CORO7: variants seen among roughly 807,000 people sequenced by gnomAD.
CORO7 encodes coronin-7.
Under a neutral mutation model 126.6 loss-of-function variants are expected in CORO7, and 107 were observed. The observed-to-expected ratio is 0.85, with a 90% CI of 0.72 to 0.99. CORO7 has a LOEUF of 0.99. CORO7 is among the 50% of genes least tolerant of loss of function. The probability of loss-of-function intolerance (pLI) is 0.00; values close to 1 mark genes in which losing one functional copy is unlikely to be tolerated. For synonymous variants in CORO7, 603 were observed against 536.8 expected (o/e 1.12, Z -1.70); for missense variants, 1,314 against 1,255.8 (o/e 1.05, Z -0.70).
At chr16:4,371,865 C>T (rs902314536) in intron 9 of CORO7, 2 of 152,174 alleles carry the variant, frequency 1.3e-5, no homozygotes, top group Non-Finnish European at 2.9e-5. Flanking sequence ...GAGCCCGAGC[C>T]CGGGGCGGGT....
At chr16:4,359,951 ATCCC>A (rs1453747792) in intron 21 of CORO7, among the ~76,000 whole-genome samples, 2 of 87,186 alleles carry the variant, frequency 2.3e-5, no homozygotes, top group Admixed American at 2.6e-4. Flanking sequence ...CCCCCAAAAC[ATCCC>A]TCCATCTCCC....
rs777329152 is a variant in CORO7 at position 4,360,938 on chromosome 16, C to T, written c.1917+5G>A. 1.9e-6 allele frequency: 3 copies of T among 1,610,218 alleles called. No homozygotes were observed. The Admixed American group carries it at 5.0e-5, about 27-fold the overall frequency. On this transcript the variant is annotated splice_donor_5th_base_variant and intron_variant, in intron 19 of 27. Coordinates refer to ENST00000251166, the MANE Select transcript of CORO7 (RefSeq NM_024535.5). Reference sequence around the variant, plus strand: ...CTGCTGGCCCCACCTCTGCAGCCGTCCTACCTGGTCTTGGTGGCCCTGCAG... The same window carrying T: ...CTGCTGGCCCCACCTCTGCAGCCGTTCTACCTGGTCTTGGTGGCCCTGCAG...
chr16:4,356,577 C>T (rs2053983277), intron 26 of CORO7: 2 of 153,462 alleles, frequency 1.3e-5, no homozygotes, highest in South Asian at 4.0e-4. Flanking sequence ...GGATCACAGG[C>T]GCCCGCCACC....
chr16:4,361,846 C>G (rs1366288436), intron 16 of CORO7, 139 bp downstream of exon 16: 2 of 1,363,904 alleles, frequency 1.5e-6, no homozygotes, highest in Non-Finnish European at 2.0e-6. Flanking sequence ...TGGCAGGTGG[C>G]TGGGAGGATC....
In CORO7 at chr16:4,355,042, A is replaced by G; in HGVS notation, c.*116T>C. On this transcript the variant is annotated 3_prime_UTR_variant, in exon 28 of 28. Transcript: ENST00000251166. Reference sequence around the variant, plus strand: ...GTGGAAGTGCCCACGGGAAGGCAGGAGTGCAGGGGTGACATGTGCCGGGGC... The same window carrying G: ...GTGGAAGTGCCCACGGGAAGGCAGGGGTGCAGGGGTGACATGTGCCGGGGC... 8.6e-7 allele frequency: 1 copy of G among 1,166,344 alleles called. No homozygotes were observed. The highest frequency in any genetic ancestry group is 1.2e-6 in the Non-Finnish European group (1 of 865,248). The allele number at this position is 1,166,344 out of a possible 1,614,324, so 72.2% of individuals were successfully genotyped here. A position where few individuals can be genotyped will look rare whatever the true frequency, so the allele number is the denominator to read the frequency against.
intron 3 of CORO7, among the ~76,000 whole-genome samples, chr16:4,410,041 C>T (rs1459285246): frequency 6.6e-6 from 1 of 152,206 alleles, no homozygotes; most frequent in Admixed American, 6.5e-5. Context: ...GGTCCAGCTT[C>T]TACTTGAAGA....
chr16:4,386,486 T>C (rs2055197909), intron 9 of CORO7, among the ~76,000 whole-genome samples: 1 of 151,970 alleles, frequency 6.6e-6, no homozygotes. Context: ...CCTAGAAAGG[T>C]CTAGAAGACA....
chr16:4,376,173 C>T (rs1366397893), intron 9 of CORO7, among the ~76,000 whole-genome samples: 1 of 152,208 alleles, frequency 6.6e-6, no homozygotes. Context: ...GGCCCACGAC[C>T]CCTGACCTCT....
rs114837449 is a variant in CORO7 at position 4,381,156 on chromosome 16, C to T, written c.785+6830G>A. The T allele has an allele frequency of 5.4e-4, 877 of 1,611,054 alleles. 8 individuals are homozygous for T. In the African/African-American group the frequency reaches 0.01, roughly 19 times the overall value. On this transcript the variant is annotated intron_variant, in intron 9 of 27. Coordinates refer to ENST00000251166, the MANE Select transcript of CORO7 (RefSeq NM_024535.5). Reference sequence around the variant, plus strand: ...AGAACCAGATCGCCAGCCTGCCCAGCGGGGTCTTCCAGCCACTCGCCAACC... The same window carrying T: ...AGAACCAGATCGCCAGCCTGCCCAGTGGGGTCTTCCAGCCACTCGCCAACC...
chr16:4,356,304 T>A (rs2053976078), intron 26 of CORO7: 1 of 152,188 alleles, frequency 6.6e-6, no homozygotes, highest in Admixed American at 6.5e-5. Context: ...TTCACTGGTC[T>A]CAGGCTGGGT....
chr16:4,399,690 GA>G lies in CORO7; in HGVS notation c.565-4352del, dbSNP rs888075644. Among the ~76,000 whole-genome samples the G allele has an allele frequency of 1.2e-4, 18 of 152,086 alleles. 1 individual carries two copies. Among genetic ancestry groups the G allele is most frequent in the Non-Finnish European group, 2.9e-5 (2 of 68,008 alleles). On this transcript the variant is annotated intron_variant, in intron 6 of 27. Coordinates refer to ENST00000251166, the MANE Select transcript of CORO7 (RefSeq NM_024535.5). ...GGATCATTTGAGCCCAGGAGTTTGA[GA>G]CCAGCCTAGGCAACACAGTGAGATC...
chr16:4,377,618 G>A (rs374298819), intron 9 of CORO7, among the ~76,000 whole-genome samples: 59 of 152,258 alleles, frequency 3.9e-4, no homozygotes, highest in African/African-American at 1.3e-3. Context: ...CCCTGCCACC[G>A]TCCCCTCCAC....
intron 21 of CORO7, 36 bp downstream of exon 21, chr16:4,360,242 T>G (rs28597097): frequency 0.045 from 73,361 of 1,612,422 alleles, 4,022 homozygotes; most frequent in African/African-American, 0.27. Context: ...ACAGGTGGCT[T>G]CTGAAGCCTG....
intron 6 of CORO7, among the ~76,000 whole-genome samples, chr16:4,396,552 G>A (rs12102993): frequency 0.035 from 5,300 of 152,270 alleles, 311 homozygotes; most frequent in African/African-American, 0.12. Context: ...CAAGGAGAAA[G>A]GTCTGGACTA....
Position 4,364,292 on chromosome 16 carries a change from C to T in CORO7, c.1259G>A (p.Gly420Asp). 2.6e-6 allele frequency: 4 copies of T among 1,549,210 alleles called. No homozygotes were observed. Among genetic ancestry groups the T allele is most frequent in the Non-Finnish European group, 3.5e-6 (4 of 1,150,542 alleles). ...AQPAVMETPV[G>D]DADASEGFSS... ...GGTACTTACGCTTGCGTCTGCATCA[C>T]CCACGGGTGTCTCCATCACCGCAGG... The change falls in exon 14 of 28, where the codon GGT (glycine) becomes GAT (aspartate). Residue 420 changes from glycine (G) to aspartate (D), a missense_variant. Coordinates refer to ENST00000251166, the MANE Select transcript of CORO7 (RefSeq NM_024535.5).
At chr16:4,377,927 A>ACGC (rs1567268559) in intron 9 of CORO7, among the ~76,000 whole-genome samples, 1 of 152,196 alleles carries the variant, frequency 6.6e-6, no homozygotes, top group Non-Finnish European at 1.5e-5. Context: ...GCTAACAGGA[A>ACGC]CGCACATTCC....
chr16:4,375,220 C>T (rs906534396), intron 9 of CORO7, among the ~76,000 whole-genome samples: 2 of 152,178 alleles, frequency 1.3e-5, no homozygotes, highest in Admixed American at 6.5e-5. Flanking sequence ...AAGTCACCCA[C>T]GGTGCTACTG....
intron 6 of CORO7, among the ~76,000 whole-genome samples, chr16:4,400,257 G>C (rs779762565): frequency 7.9e-5 from 12 of 152,282 alleles, no homozygotes; most frequent in African/African-American, 2.9e-4. Flanking sequence ...CCAGCACTTC[G>C]GGAGGCTGAG....
intron 6 of CORO7, among the ~76,000 whole-genome samples, chr16:4,402,448 T>C (rs1204857243): frequency 6.6e-6 from 1 of 151,620 alleles, no homozygotes; most frequent in African/African-American, 2.4e-5. Flanking sequence ...GGTTTCACCA[T>C]GTTGCCCGGG....
Sources: gnomAD v4.1 joint callset for allele counts (sites outside exome capture counted in the v4.1 genomes callset) on GRCh38, gnomAD v4.1.1 for gene constraint, MANE v1.5 for transcripts, NCBI Gene and HGNC (gene_info 2026-07-23, HGNC 2026-07-21) for gene names.